Variants in ADGRL3 observed in about 807,000 individuals in gnomAD.
ADGRL3 encodes calcium-independent alpha-latrotoxin receptor 3.
ADGRL3 carries 62 observed loss-of-function variants against 153.5 expected under a neutral mutation model. The observed-to-expected ratio is 0.40, with a 90% CI of 0.33 to 0.50. The LOEUF (loss-of-function observed/expected upper bound fraction) is 0.50, where lower values mean the gene tolerates loss of function less well. ADGRL3 is among the 20% of genes least tolerant of loss of function. The pLI, the probability that ADGRL3 is intolerant of heterozygous loss-of-function variation, is 0.47. For synonymous variants in ADGRL3, 710 were observed against 672.5 expected (o/e 1.06, Z -0.86); for missense variants, 1,641 against 1,859.4 (o/e 0.88, Z 2.16).
chr4:62,063,476 T>C (rs752054359), intron 25 of ADGRL3: 8 of 633,530 alleles, frequency 1.3e-5, no homozygotes, highest in African/African-American at 1.9e-5. Context: ...TTTTTTTTTT[T>C]TCTCTGTCTT....
In ADGRL3 at chr4:61,320,888, T is replaced by A. The variant is rs985279019; in HGVS notation, c.-239-62236T>A. ...AAACCAAGATGTTTTCAGGGCAGAG[T>A]TTTTTTCTGGAGATCCTAGGAGAAA... On this transcript the variant is annotated intron_variant, in intron 1 of 26. Transcript: ENST00000683033. Among the ~76,000 whole-genome samples, 3 of 152,078 alleles carry A rather than the reference T, an allele frequency of 2.0e-5. No individual in the cohort carries two copies. In the East Asian group the frequency reaches 5.8e-4, roughly 29 times the overall value.
intron 6 of ADGRL3, among the ~76,000 whole-genome samples, chr4:61,700,527 C>T (rs6834810): frequency 0.39 from 59,908 of 151,860 alleles, 12,783 homozygotes; most frequent in Non-Finnish European, 0.49. Flanking sequence ...AGATGAATGC[C>T]GTACTATGGA....
chr4:61,473,371 A>G (rs1456981303), intron 2 of ADGRL3, among the ~76,000 whole-genome samples: 1 of 151,918 alleles, frequency 6.6e-6, no homozygotes, highest in African/African-American at 2.4e-5. Flanking sequence ...CCTAGAACAA[A>G]CCAAACACAC....
intron 8 of ADGRL3, among the ~76,000 whole-genome samples, chr4:61,756,992 C>G (rs1001252352): frequency 6.6e-6 from 1 of 152,106 alleles, no homozygotes; most frequent in African/African-American, 2.4e-5. Flanking sequence ...GGTGGATAAG[C>G]TTTTTGGTGT....
At chr4:61,896,620 T>C (rs995681038) in intron 11 of ADGRL3, among the ~76,000 whole-genome samples, 28 of 152,286 alleles carry the variant, frequency 1.8e-4, no homozygotes, top group African/African-American at 6.7e-4. Context: ...ATATACTGTA[T>C]AATAATCCAT....
At chr4:61,829,867 T>C (rs1217747883) in intron 9 of ADGRL3, among the ~76,000 whole-genome samples, 2 of 152,092 alleles carry the variant, frequency 1.3e-5, no homozygotes, top group African/African-American at 4.8e-5. Context: ...TTTGTAGGCT[T>C]TAATAATTAA....
At chr4:61,456,482 T>TCTATAG (rs2097756239) in intron 2 of ADGRL3, among the ~76,000 whole-genome samples, 1 of 126,262 alleles carries the variant, frequency 7.9e-6, no homozygotes, top group African/African-American at 3.0e-5. Flanking sequence ...TATATCTATA[T>TCTATAG]ATATAGATAT....
intron 1 of ADGRL3, among the ~76,000 whole-genome samples, chr4:61,366,984 A>G (rs1011612233): frequency 6.6e-6 from 1 of 152,126 alleles, no homozygotes; most frequent in African/African-American, 2.4e-5. Context: ...TTTGTTTATT[A>G]GATTGATTAT....
chr4:61,456,636 G>C (rs892803125), intron 2 of ADGRL3, among the ~76,000 whole-genome samples: 3 of 151,200 alleles, frequency 2.0e-5, no homozygotes, highest in Non-Finnish European at 3.0e-5. Flanking sequence ...GAAGAAGTAA[G>C]TACAAAATGA....
chr4:61,235,768 C>T (rs1350971000), intron 1 of ADGRL3, among the ~76,000 whole-genome samples: 2 of 152,124 alleles, frequency 1.3e-5, no homozygotes, highest in African/African-American at 4.8e-5. Flanking sequence ...GATAATTCCC[C>T]TTTGTTCTGT....
chr4:61,410,343 G>T (rs983928918), intron 2 of ADGRL3, among the ~76,000 whole-genome samples: 1 of 151,818 alleles, frequency 6.6e-6, no homozygotes, highest in African/African-American at 2.4e-5. Flanking sequence ...TTATCACATT[G>T]CTTTTTTCCC....
At chr4:62,040,710 G>A (rs1043416580) in intron 24 of ADGRL3, among the ~76,000 whole-genome samples, 5 of 152,020 alleles carry the variant, frequency 3.3e-5, no homozygotes, top group East Asian at 1.9e-4. Context: ...TTATTCTAGC[G>A]TTGGGAGACA....
intron 4 of ADGRL3, among the ~76,000 whole-genome samples, chr4:61,558,173 C>CATATATATATATATATATATAT (rs33947698): frequency 1.6e-4 from 20 of 129,020 alleles, no homozygotes; most frequent in African/African-American, 6.1e-4. Flanking sequence ...ATGTAGGAAT[C>CATATATATATATATATATATAT]ATATATATAT....
At chr4:61,527,772 C>T (rs759324462) in intron 4 of ADGRL3, among the ~76,000 whole-genome samples, 23 of 152,018 alleles carry the variant, frequency 1.5e-4, no homozygotes, top group Middle Eastern at 3.2e-3. Context: ...AAGATTGTGG[C>T]GTAGACTTTG....
At chr4:61,464,284 A>G (rs1429754055) in intron 2 of ADGRL3, among the ~76,000 whole-genome samples, 5 of 152,154 alleles carry the variant, frequency 3.3e-5, no homozygotes, top group Non-Finnish European at 5.9e-5. Context: ...AGAACTGACT[A>G]TAGTTTTTAA....
At chr4:61,372,775 C>G (rs963162994) in intron 1 of ADGRL3, among the ~76,000 whole-genome samples, 10 of 152,318 alleles carry the variant, frequency 6.6e-5, no homozygotes, top group East Asian at 1.9e-4. Flanking sequence ...AGCTTCCCGG[C>G]TGCTTTGTTT....
chr4:61,686,468 G>A (rs1322036021), intron 6 of ADGRL3, among the ~76,000 whole-genome samples: 2 of 152,052 alleles, frequency 1.3e-5, no homozygotes, highest in African/African-American at 2.4e-5. Flanking sequence ...GGTTTAGAAA[G>A]CACTTCATCA....
intron 2 of ADGRL3, among the ~76,000 whole-genome samples, chr4:61,478,475 T>C (rs2098091782): frequency 6.6e-6 from 1 of 152,100 alleles, no homozygotes; most frequent in Non-Finnish European, 1.5e-5. Context: ...AATGTATTTT[T>C]TAATGCTCCT....
intron 8 of ADGRL3, among the ~76,000 whole-genome samples, chr4:61,750,442 A>C (rs2152049555): frequency 6.6e-6 from 1 of 152,294 alleles, no homozygotes; most frequent in South Asian, 2.1e-4. Flanking sequence ...GATTTAAAAG[A>C]ATACAGGTGC....
Sources: gnomAD v4.1 joint callset for allele counts (sites outside exome capture counted in the v4.1 genomes callset) on GRCh38, gnomAD v4.1.1 for gene constraint, MANE v1.5 for transcripts, NCBI Gene and HGNC (gene_info 2026-07-23, HGNC 2026-07-21) for gene names.